The following TPH2 variants were observed in gnomAD, a reference collection of about 807,000 sequenced individuals.
TPH2 encodes tryptophan hydroxylase 2.
In TPH2, 27 loss-of-function variants were observed where a neutral mutation model predicts 59.1. The observed-to-expected ratio is 0.46, with a 90% confidence interval of 0.34 to 0.63. The LOEUF is 0.63. TPH2 is among the 30% of genes least tolerant of loss of function. The probability of loss-of-function intolerance (pLI) is 0.01; values close to 1 mark genes in which losing one functional copy is unlikely to be tolerated. For missense variants in TPH2, 523 were observed against 588.3 expected, an observed-to-expected ratio of 0.89 and a Z score of 1.15; for synonymous variants, 220 against 210.5, an observed-to-expected ratio of 1.05 and a Z score of -0.39.
chr12:71,975,422 G>A (rs964206913), intron 6 of TPH2, among the ~76,000 whole-genome samples: 5 of 152,140 alleles, frequency 3.3e-5, no homozygotes, highest in African/African-American at 1.2e-4. Flanking sequence ...GCTGGATTTG[G>A]CCTCCAGGTG....
chr12:71,993,410 T>C (rs1237469998), intron 7 of TPH2, among the ~76,000 whole-genome samples: 3 of 152,212 alleles, frequency 2.0e-5, no homozygotes, highest in African/African-American at 7.2e-5. Flanking sequence ...TAATTTAAAA[T>C]GTTCCTGCAT....
intron 5 of TPH2, among the ~76,000 whole-genome samples, chr12:71,967,584 A>G (rs1871853374): frequency 1.3e-5 from 2 of 152,240 alleles, no homozygotes; most frequent in Non-Finnish European, 1.5e-5. Flanking sequence ...AGAACCTGTG[A>G]ATTATAATTT....
chr12:71,958,103 A>G (rs2139192056), intron 5 of TPH2, among the ~76,000 whole-genome samples: 1 of 152,322 alleles, frequency 6.6e-6, no homozygotes, highest in Non-Finnish European at 1.5e-5. Context: ...TAAGAAACTT[A>G]CTAAAGGTTA....
chr12:71,995,728 C>A (rs1421336054), intron 8 of TPH2, among the ~76,000 whole-genome samples: 1 of 152,118 alleles, frequency 6.6e-6, no homozygotes, highest in Admixed American at 6.5e-5. Context: ...GCTTTTACTG[C>A]TTGTTGCCAG....
At chr12:71,959,282 A>C (rs1314013815) in intron 5 of TPH2, among the ~76,000 whole-genome samples, 1 of 152,178 alleles carries the variant, frequency 6.6e-6, no homozygotes, top group Non-Finnish European at 1.5e-5. Context: ...CTCTTTCACT[A>C]GATGACTCAG....
chr12:71,941,293 G>T (rs4341581), intron 1 of TPH2, among the ~76,000 whole-genome samples: 147,918 of 152,240 alleles, frequency 0.97, 71,896 homozygotes, highest in East Asian at 1. Context: ...ATATGATATT[G>T]CAGGCGTTAC....
chr12:72,018,582 C>G (rs1281960208), intron 8 of TPH2, among the ~76,000 whole-genome samples: 1 of 152,124 alleles, frequency 6.6e-6, no homozygotes, highest in Non-Finnish European at 1.5e-5. Flanking sequence ...TAGGCTGACC[C>G]AAACGCTCCT....
At chr12:72,027,795 A>C (rs965071157) in intron 9 of TPH2, among the ~76,000 whole-genome samples, 6 of 152,184 alleles carry the variant, frequency 3.9e-5, no homozygotes, top group Admixed American at 2.6e-4. Flanking sequence ...CCAGTGGGAA[A>C]GGCTGCTATG....
At chr12:71,961,519 G>A (rs775317028) in intron 5 of TPH2, 5 of 1,350,904 alleles carry the variant, frequency 3.7e-6, no homozygotes, top group Non-Finnish European at 3.9e-6. Flanking sequence ...GATTAAATCT[G>A]TGACTCTTCA....
Position 72,022,390 on chromosome 12 carries a change from T to A in TPH2, c.1069-9T>A. The A allele has an allele frequency of 6.2e-7, 1 of 1,611,334 alleles. No homozygotes were observed. Among genetic ancestry groups the A allele is most frequent in the Middle Eastern group, 1.7e-4 (1 of 6,060 alleles). On this transcript the variant is annotated splice_polypyrimidine_tract_variant and intron_variant, in intron 8 of 10. Coordinates refer to ENST00000333850, the MANE Select transcript of TPH2 (RefSeq NM_173353.4). ...CCAGTTCACTGAATATGTGTTCGTTTTTCTTCAGTGCTATTTCTTCACAAT... is the reference window on the plus strand; with the variant it reads ...CCAGTTCACTGAATATGTGTTCGTTATTCTTCAGTGCTATTTCTTCACAAT...
chr12:71,942,066 C>T (rs1402995538), intron 2 of TPH2, among the ~76,000 whole-genome samples: 1 of 152,126 alleles, frequency 6.6e-6, no homozygotes, highest in African/African-American at 2.4e-5. Context: ...TAGCAAGAGC[C>T]TGCAACTTGA....
At chr12:71,991,929 A>G (rs1366034685) in intron 7 of TPH2, among the ~76,000 whole-genome samples, 3 of 152,192 alleles carry the variant, frequency 2.0e-5, no homozygotes, top group African/African-American at 7.2e-5. Flanking sequence ...GTCATCAGTT[A>G]TCACAGTGAA....
At chr12:71,985,467 C>T (rs1315403621) in intron 7 of TPH2, among the ~76,000 whole-genome samples, 1 of 152,126 alleles carries the variant, frequency 6.6e-6, no homozygotes, top group Non-Finnish European at 1.5e-5. Flanking sequence ...GGTGCGATGT[C>T]AGCTCACTGT....
At chr12:72,007,513 A>C (rs112546450) in intron 8 of TPH2, among the ~76,000 whole-genome samples, 1,847 of 152,188 alleles carry the variant, frequency 0.012, 34 homozygotes, top group African/African-American at 0.04. Context: ...CGCAGTTTGG[A>C]TGTAAGATGG....
chr12:72,008,002 C>T (rs1056423133), intron 8 of TPH2, among the ~76,000 whole-genome samples: 2 of 152,130 alleles, frequency 1.3e-5, no homozygotes, highest in African/African-American at 4.8e-5. Flanking sequence ...TGTGTCAGGA[C>T]TTAGTTAATT....
At chr12:72,008,352 G>T (rs931939103) in intron 8 of TPH2, among the ~76,000 whole-genome samples, 3 of 152,214 alleles carry the variant, frequency 2.0e-5, no homozygotes, top group Admixed American at 6.5e-5. Flanking sequence ...GCCCATGCTT[G>T]CCTAATCAGA....
intron 7 of TPH2, among the ~76,000 whole-genome samples, chr12:71,982,609 T>C (rs1313621337): frequency 1.3e-5 from 2 of 152,240 alleles, no homozygotes; most frequent in East Asian, 3.8e-4. Flanking sequence ...CCCAAGCACT[T>C]TCACAGGCGT....
At chr12:71,963,859 G>A (rs1420818749) in intron 5 of TPH2, among the ~76,000 whole-genome samples, 1 of 50,186 alleles carries the variant, frequency 2.0e-5, no homozygotes. Context: ...TGACATAGGT[G>A]GTATGACACA....
At chr12:72,012,037 T>A (rs975830507) in intron 8 of TPH2, among the ~76,000 whole-genome samples, 2 of 152,232 alleles carry the variant, frequency 1.3e-5, no homozygotes, top group Non-Finnish European at 2.9e-5. Context: ...AAGGCTGACA[T>A]TGACTCTGTT....
Sources: allele counts gnomAD v4.1 joint callset (sites outside exome capture counted in the v4.1 genomes callset), GRCh38; gene constraint gnomAD v4.1.1; transcripts MANE v1.5; gene names NCBI Gene and HGNC (gene_info 2026-07-23, HGNC 2026-07-21).